Variants in PTK2B observed in about 807,000 individuals in gnomAD.
PTK2B encodes the protein protein tyrosine kinase 2 beta, also known as protein-tyrosine kinase 2-beta.
PTK2B carries 71 observed loss-of-function variants against 142.9 expected under a neutral mutation model. The observed-to-expected ratio is 0.50, with a 90% confidence interval of 0.41 to 0.61. The LOEUF is 0.61. Ranked by LOEUF, PTK2B falls within the 20% of genes least tolerant of loss-of-function variation. The pLI, the probability that PTK2B is intolerant of heterozygous loss-of-function variation, is 0.00. For missense variants in PTK2B, 1,105 were observed against 1,320.4 expected, an observed-to-expected ratio of 0.84 and a Z score of 2.53; for synonymous variants, 519 against 503.4, an observed-to-expected ratio of 1.03 and a Z score of -0.42.
upstream of PTK2B, among the ~76,000 whole-genome samples, chr8:27,320,741 A>T (rs893561703): frequency 6.6e-6 from 1 of 151,968 alleles, no homozygotes; most frequent in Admixed American, 6.6e-5. Flanking sequence ...TCAGCTCTGA[A>T]CCATGTTCTT....
intron 3 of PTK2B, among the ~76,000 whole-genome samples, chr8:27,314,417 C>G (rs1416798134): frequency 3.3e-5 from 5 of 152,198 alleles, no homozygotes; most frequent in East Asian, 1.9e-4. Context: ...AACCCCGTCT[C>G]TACAAAAAAT....
chr8:27,337,149 T>C (rs1156353446), intron 1 of PTK2B, among the ~76,000 whole-genome samples: 2 of 151,628 alleles, frequency 1.3e-5, no homozygotes, highest in African/African-American at 4.9e-5. Flanking sequence ...GCTTTTTTTC[T>C]TTTTTTGACA....
At chr8:27,329,839 G>T (rs1276419740) in intron 1 of PTK2B, among the ~76,000 whole-genome samples, 1 of 152,114 alleles carries the variant, frequency 6.6e-6, no homozygotes, top group East Asian at 1.9e-4. Flanking sequence ...GTGACGTTAG[G>T]TAGGTGAGTT....
chr8:27,327,529 C>T (rs868022902), intron 1 of PTK2B, among the ~76,000 whole-genome samples: 16 of 152,192 alleles, frequency 1.1e-4, no homozygotes, highest in Middle Eastern at 3.4e-3. Context: ...TATCTGGCAA[C>T]CCTACTCTAG....
intron 1 of PTK2B, among the ~76,000 whole-genome samples, chr8:27,384,056 G>T (rs970402873): frequency 6.6e-6 from 1 of 151,288 alleles, no homozygotes; most frequent in Non-Finnish European, 1.5e-5. Context: ...CTCCATGTTG[G>T]TCAGGCTGAT....
At chr8:27,334,085 T>A (rs988920020) in intron 1 of PTK2B, among the ~76,000 whole-genome samples, 12 of 152,144 alleles carry the variant, frequency 7.9e-5, no homozygotes, top group African/African-American at 2.9e-4. Context: ...TCTGCTCATA[T>A]CTTGCCCATC....
chr8:27,377,712 A>G (rs1005215478), intron 1 of PTK2B, among the ~76,000 whole-genome samples: 1 of 152,156 alleles, frequency 6.6e-6, no homozygotes, highest in Non-Finnish European at 1.5e-5. Context: ...ACGGGAGGGT[A>G]TTTTTACTGA....
At chr8:27,430,031 C>G in intron 5 of PTK2B, 62 bp from the exon 6 acceptor site, 1 of 1,494,242 alleles carries the variant, frequency 6.7e-7, no homozygotes, top group Non-Finnish European at 9.3e-7. Flanking sequence ...CATGAGGTGC[C>G]CTGGGTCTGA....
intron 5 of PTK2B, among the ~76,000 whole-genome samples, chr8:27,424,976 T>C (rs1303077912): frequency 6.6e-6 from 1 of 152,192 alleles, no homozygotes; most frequent in Non-Finnish European, 1.5e-5. Context: ...GTGTTTCCTG[T>C]GTTACTCTGG....
chr8:27,345,345 C>A (rs1426566235), intron 1 of PTK2B, among the ~76,000 whole-genome samples: 1 of 152,220 alleles, frequency 6.6e-6, no homozygotes, highest in African/African-American at 2.4e-5. Context: ...AAATAGTTTT[C>A]TTCTTAGGAG....
chr8:27,453,027 GA>G (rs1811914700), intron 27 of PTK2B, 86 bp from the exon 28 acceptor site: 1 of 1,477,272 alleles, frequency 6.8e-7, no homozygotes, highest in Non-Finnish European at 9.4e-7. Flanking sequence ...TGGTAGAGGG[GA>G]AGGGGCTCAT....
intron 1 of PTK2B, among the ~76,000 whole-genome samples, chr8:27,394,052 A>C (rs1186079737): frequency 1.3e-5 from 2 of 152,176 alleles, no homozygotes; most frequent in Non-Finnish European, 2.9e-5. Flanking sequence ...GCTACAGTCT[A>C]CTACACACCT....
intron 24 of PTK2B, among the ~76,000 whole-genome samples, chr8:27,446,718 C>T (rs943672761): frequency 6.6e-6 from 1 of 152,098 alleles, no homozygotes; most frequent in African/African-American, 2.4e-5. Context: ...TTCAGGCTCA[C>T]TAAACATGAC....
upstream of PTK2B, chr8:27,311,158 G>A (rs1295445545): frequency 1.2e-6 from 2 of 1,607,338 alleles, no homozygotes; most frequent in Non-Finnish European, 8.5e-7. Flanking sequence ...CGCGGAAGGG[G>A]TCGTAGCAGA....
chr8:27,370,438 A>G (rs933500621), intron 1 of PTK2B, among the ~76,000 whole-genome samples: 1 of 152,242 alleles, frequency 6.6e-6, no homozygotes, highest in African/African-American at 2.4e-5. Flanking sequence ...TAAGTCTGAC[A>G]GTGTGTGAAG....
intron 24 of PTK2B, among the ~76,000 whole-genome samples, chr8:27,446,812 C>T (rs1424206929): frequency 6.6e-6 from 1 of 152,148 alleles, no homozygotes; most frequent in African/African-American, 2.4e-5. Context: ...ACTTTCATGC[C>T]ATTATGCTTA....
intron 7 of PTK2B, 106 bp downstream of exon 7, chr8:27,430,524 C>T (rs1311918202): frequency 1.1e-5 from 16 of 1,436,872 alleles, no homozygotes; most frequent in East Asian, 4.6e-5. Flanking sequence ...GGTATCTGCG[C>T]GGCCTCGGGC....
In PTK2B at chr8:27,453,106, T is replaced by G. The variant is rs769219620; in HGVS notation, c.2549-8T>G. On this transcript the variant is annotated splice_region_variant and splice_polypyrimidine_tract_variant and intron_variant, in intron 27 of 30. Transcript: ENST00000346049. ...ACTGCCCCCCACTTGCTGTTCTTTTTATTGCAGTGGAGTTCACAGGGCCCC... is the reference window on the plus strand; with the variant it reads ...ACTGCCCCCCACTTGCTGTTCTTTTGATTGCAGTGGAGTTCACAGGGCCCC... The G allele has an allele frequency of 1.2e-5, 19 of 1,613,788 alleles. No homozygotes were observed. The highest frequency in any genetic ancestry group is 1.4e-5 in the Non-Finnish European group (17 of 1,179,970).
intron 2 of PTK2B, among the ~76,000 whole-genome samples, chr8:27,413,837 T>G (rs992902501): frequency 6.6e-6 from 1 of 152,252 alleles, no homozygotes; most frequent in African/African-American, 2.4e-5. Flanking sequence ...CTGAGTTTGT[T>G]GCCAAATGGT....
Sources: allele counts gnomAD v4.1 joint callset (sites outside exome capture counted in the v4.1 genomes callset), GRCh38; gene constraint gnomAD v4.1.1; transcripts MANE v1.5; gene names NCBI Gene and HGNC (gene_info 2026-07-23, HGNC 2026-07-21).